Variants in STAT3 observed in about 807,000 individuals in gnomAD.
The protein encoded by STAT3 is signal transducer and activator of transcription 3.
Under a neutral mutation model 114.3 loss-of-function variants are expected in STAT3, and 7 were observed. The observed-to-expected ratio is 0.06, with a 90% CI of 0.03 to 0.11. The LOEUF (loss-of-function observed/expected upper bound fraction) is 0.11, where lower values mean the gene tolerates loss of function less well. Ranked by LOEUF, STAT3 falls within the 10% of genes least tolerant of loss-of-function variation. STAT3 has a pLI of 1.00. For missense variants in STAT3, 364 were observed against 960.9 expected, an observed-to-expected ratio of 0.38 and a Z score of 8.21; for synonymous variants, 331 against 354.5, an observed-to-expected ratio of 0.93 and a Z score of 0.74.
rs541059766 is a variant in STAT3 at position 42,313,735 on chromosome 17, A to G, written c.*2010T>C. ...TGAACCCTCGCCCTAGGTCCCTATG[A>G]TTTAAACCCAATGGTAAGCCCAAGT... On this transcript the variant is annotated 3_prime_UTR_variant, in exon 24 of 24. Transcript: ENST00000264657. 8.6e-6 allele frequency: 2 copies of G among 233,040 alleles called. No individual in the cohort carries two copies. The highest frequency in any genetic ancestry group is 1.1e-4 in the Admixed American group (2 of 17,776). The allele number at this position is 233,040 out of a possible 1,614,324, so 14.4% of individuals were successfully genotyped here.
chr17:42,319,516 T>C (rs548971560), intron 21 of STAT3, among the ~76,000 whole-genome samples: 1 of 121,650 alleles, frequency 8.2e-6, no homozygotes, highest in South Asian at 2.5e-4. Context: ...CACTCCAGTC[T>C]GGACGATAGA....
rs368523781 is a variant in STAT3 at position 42,324,268 on chromosome 17, G to A, written c.1600+443C>T. On this transcript the variant is annotated intron_variant, in intron 17 of 23. Coordinates refer to ENST00000264657, the MANE Select transcript of STAT3 (RefSeq NM_139276.3). This position sits in a 1 kb window ranked among gnomAD's most constrained non-coding sequence, Gnocchi z 4.5. ...CAGAAGGCGGAGGTTGCAGTGAGCC[G>A]AGATCACACTACTGCACTCCAGCCT... 2.0e-5 allele frequency among the ~76,000 whole-genome samples: 3 copies of A among 150,948 alleles called. No individual in the cohort carries two copies. Among genetic ancestry groups the A allele is most frequent in the South Asian group, 2.1e-4 (1 of 4,754 alleles).
intron 1 of STAT3, among the ~76,000 whole-genome samples, chr17:42,385,205 T>C (rs964087790): frequency 8.5e-5 from 13 of 152,080 alleles, no homozygotes; most frequent in African/African-American, 2.4e-4. Context: ...TCTGACAAAG[T>C]TGCAAAAGGT....
rs774445141 is a variant in STAT3 at position 42,323,014 on chromosome 17, C to T, written c.1878G>A (p.Lys626=). The T allele has an allele frequency of 4.2e-5, 67 of 1,613,858 alleles. No individual in the cohort carries two copies. Among genetic ancestry groups the T allele is most frequent in the Non-Finnish European group, 5.6e-5 (66 of 1,180,038 alleles). ...EGGVTFTWVE[K]DISGKTQIQS... is the part of the protein sequence containing the mutation. Reference sequence around the variant, plus strand: ...GGGAGCCTCCCTTACCGCTGATGTCCTTCTCCACCCAAGTGAAAGTGACGC... The same window carrying T: ...GGGAGCCTCCCTTACCGCTGATGTCTTTCTCCACCCAAGTGAAAGTGACGC... The change falls in exon 20 of 24, where the codon AAG becomes AAA. Residue 626 remains lysine, a synonymous_variant. Transcript: ENST00000264657.
At chr17:42,373,110 G>A (rs2084246770) in intron 1 of STAT3, among the ~76,000 whole-genome samples, 1 of 152,260 alleles carries the variant, frequency 6.6e-6, no homozygotes, top group Admixed American at 6.5e-5. Context: ...CCAGCACTTT[G>A]GGAGGCCAAG....
chr17:42,376,684 A>C (rs7224416), intron 1 of STAT3, among the ~76,000 whole-genome samples: 39,299 of 151,464 alleles, frequency 0.26, 5,309 homozygotes, highest in East Asian at 0.39. Context: ...GACTCTACTA[A>C]AAATACAAAA....
intron 1 of STAT3, among the ~76,000 whole-genome samples, chr17:42,358,239 G>C (rs1359161065): frequency 6.6e-6 from 1 of 152,078 alleles, no homozygotes; most frequent in Non-Finnish European, 1.5e-5. Flanking sequence ...AACACCGTGA[G>C]ACCTTGCCTC....
intron 21 of STAT3, among the ~76,000 whole-genome samples, chr17:42,321,491 T>C (rs375838411): frequency 6.6e-6 from 1 of 152,174 alleles, no homozygotes; most frequent in East Asian, 1.9e-4. Context: ...TTATTTTCAA[T>C]AGTTGCACAC....
At chr17:42,351,003 T>C (rs1287316945) in intron 1 of STAT3, among the ~76,000 whole-genome samples, 3 of 151,784 alleles carry the variant, frequency 2.0e-5, no homozygotes, top group Non-Finnish European at 4.4e-5. Flanking sequence ...TGGTGGCACA[T>C]GCCTTTAATC....
intron 1 of STAT3, among the ~76,000 whole-genome samples, chr17:42,369,359 AAAACAAAC>A (rs367707477): frequency 5.8e-4 from 88 of 152,174 alleles, no homozygotes; most frequent in African/African-American, 2.0e-3. Context: ...CTCCATCTCA[AAAACAAAC>A]AAACAAACAA....
chr17:42,387,427 A>G (rs147824254), intron 1 of STAT3: 1 of 152,164 alleles, frequency 6.6e-6, no homozygotes, highest in East Asian at 1.9e-4. Context: ...CCCACTCTCA[A>G]TTGGTTCATT....
chr17:42,347,027 A>C (rs912719391), intron 2 of STAT3, among the ~76,000 whole-genome samples: 1 of 151,934 alleles, frequency 6.6e-6, no homozygotes, highest in East Asian at 1.9e-4. Context: ...TGTCTCTACT[A>C]AAAATAAAAA....
intron 1 of STAT3, among the ~76,000 whole-genome samples, chr17:42,377,919 A>C (rs2084554628): frequency 6.6e-6 from 1 of 152,104 alleles, no homozygotes. Context: ...CTTAGGGTAA[A>C]CGTCCGTGGA....
Position 42,331,508 on chromosome 17 carries a change from A to C in STAT3, c.1073T>G (p.Leu358Trp), listed in dbSNP as rs769072802. Residue 358 changes from leucine (L) to tryptophan (W), a missense_variant, in exon 11 of 24, where the codon TTG (leucine) becomes TGG (tryptophan). Physicochemically the swap from Leu to Trp is moderately conservative, Grantham distance 61. Coordinates refer to ENST00000264657, the MANE Select transcript of STAT3 (RefSeq NM_139276.3). The stretch of plus-strand genomic sequence containing the variant: ...CACTTTAATTTTAAGCTGATAATTC[A>C]ACTCAGGGAATTTGACCAGCAACCT... The part of the protein sequence containing the change: ...KVRLLVKFPE[L>W]NYQLKIKVCI... 6.2e-7 allele frequency: 1 copy of C among 1,614,058 alleles called. No homozygotes were observed. The highest frequency in any genetic ancestry group is 8.5e-7 in the Non-Finnish European group (1 of 1,179,954).
chr17:42,378,308 C>T (rs180747793), intron 1 of STAT3, among the ~76,000 whole-genome samples: 51 of 152,188 alleles, frequency 3.4e-4, no homozygotes, highest in African/African-American at 1.2e-3. Context: ...TGCAGTGGCA[C>T]GATCTCGACT....
chr17:42,338,871 A>ATGGAGTGG, intron 5 of STAT3, 59 bp from the exon 6 acceptor site: 1 of 1,465,966 alleles, frequency 6.8e-7, no homozygotes, highest in Non-Finnish European at 9.5e-7. Flanking sequence ...TGGGAACAGA[A>ATGGAGTGG]AATATAAAGT....
At chr17:42,382,654 C>CT (rs66812455) in intron 1 of STAT3, among the ~76,000 whole-genome samples, 11,764 of 145,576 alleles carry the variant, frequency 0.081, 484 homozygotes, top group Non-Finnish European at 0.091. Context: ...TTTTTTTTTT[C>CT]TTTTTTTTTT....
rs1479145988 is a variant in STAT3 at position 42,388,340 on chromosome 17, G to C, written c.-85C>G. The C allele has an allele frequency of 1.6e-6, 2 of 1,232,032 alleles. No homozygotes were observed. Among genetic ancestry groups the C allele is most frequent in the Non-Finnish European group, 2.0e-6 (2 of 988,244 alleles). 76.3% of individuals were successfully genotyped at this position (1,232,032 alleles called of 1,614,324 possible). Reference sequence around the variant, plus strand: ...GCGTGTGCCGGGGACGGGCGGCGAGGCTCCCTCAGGCCGAAGGGCCTCTCC... The same window carrying C: ...GCGTGTGCCGGGGACGGGCGGCGAGCCTCCCTCAGGCCGAAGGGCCTCTCC... On this transcript the variant is annotated 5_prime_UTR_variant, in exon 1 of 24. Coordinates refer to ENST00000264657, the MANE Select transcript of STAT3 (RefSeq NM_139276.3).
chr17:42,361,586 G>A (rs1555573742), intron 1 of STAT3, among the ~76,000 whole-genome samples: 1 of 151,976 alleles, frequency 6.6e-6, no homozygotes, highest in Admixed American at 6.6e-5. Flanking sequence ...CGAAATCAGA[G>A]CAGAGATCAG....
Sources: gnomAD v4.1 joint callset for allele counts (sites outside exome capture counted in the v4.1 genomes callset) on GRCh38, gnomAD v4.1.1 for gene constraint, Gnocchi (gnomAD v3.1) non-coding constraint, MANE v1.5 for transcripts, NCBI Gene and HGNC (gene_info 2026-07-23, HGNC 2026-07-21) for gene names.